MAP2K5: variants seen among roughly 807,000 people sequenced by gnomAD.
MAP2K5 encodes mitogen-activated protein kinase kinase 5, also known as dual specificity mitogen-activated protein kinase kinase 5.
In MAP2K5, 49 loss-of-function variants were observed where a neutral mutation model predicts 83.1. That is an observed-to-expected ratio of 0.59 (90% CI 0.47 to 0.75). MAP2K5 has a LOEUF of 0.75. Among genes scored for constraint, MAP2K5 ranks in the 30% least tolerant of loss-of-function variants. The pLI is 0.00. For synonymous variants in MAP2K5, 202 were observed against 191.8 expected (o/e 1.05, Z -0.44); for missense variants, 457 against 557.5 (o/e 0.82, Z 1.82).
chr15:67,625,239 AT>A (rs2086290605), intron 8 of MAP2K5, among the ~76,000 whole-genome samples: 1 of 152,182 alleles, frequency 6.6e-6, no homozygotes, highest in Non-Finnish European at 1.5e-5. Flanking sequence ...GCTCTTTGTT[AT>A]TTTAAATATT....
intron 5 of MAP2K5, among the ~76,000 whole-genome samples, chr15:67,586,221 A>G (rs1249681254): frequency 6.6e-6 from 1 of 152,222 alleles, no homozygotes; most frequent in Non-Finnish European, 1.5e-5. Flanking sequence ...TAGTAAGAAT[A>G]TAGACTTCAT....
chr15:67,663,369 T>C (rs1296593018), intron 12 of MAP2K5, among the ~76,000 whole-genome samples: 2 of 152,248 alleles, frequency 1.3e-5, no homozygotes, highest in Admixed American at 1.3e-4. Context: ...TCAGTGTTTG[T>C]CTTTCCTTAC....
At chr15:67,656,132 C>T (rs1032075609) in intron 11 of MAP2K5, among the ~76,000 whole-genome samples, 3 of 152,036 alleles carry the variant, frequency 2.0e-5, no homozygotes, top group Non-Finnish European at 2.9e-5. Flanking sequence ...TTTGGAATCA[C>T]GAGCAAAAAG....
chr15:67,727,594 T>C lies in MAP2K5; in HGVS notation c.1045-322T>C, dbSNP rs149941528. Among the ~76,000 whole-genome samples the C allele has an allele frequency of 1.4e-4, 22 of 152,368 alleles. No homozygotes were observed. In the East Asian group the frequency reaches 4.0e-3, roughly 28 times the overall value. On this transcript the variant is annotated intron_variant, in intron 16 of 21. Transcript: ENST00000178640. ...TAAAAGCAAAGAGTTTTTACATCTCTGTCTAGAAGAAACTGTCACACACAC... is the reference window on the plus strand; with the variant it reads ...TAAAAGCAAAGAGTTTTTACATCTCCGTCTAGAAGAAACTGTCACACACAC...
chr15:67,630,082 A>T (rs981637542), intron 8 of MAP2K5, among the ~76,000 whole-genome samples: 1 of 152,182 alleles, frequency 6.6e-6, no homozygotes, highest in Non-Finnish European at 1.5e-5. Context: ...TACAAAAAAA[A>T]GTAAAAAGTA....
chr15:67,713,680 G>A (rs2088754010), intron 16 of MAP2K5, among the ~76,000 whole-genome samples: 1 of 151,714 alleles, frequency 6.6e-6, no homozygotes, highest in Non-Finnish European at 1.5e-5. Context: ...AGGTTGCAGT[G>A]AGCCGAGATC....
At chr15:67,745,821 A>C (rs1001260422) in intron 17 of MAP2K5, among the ~76,000 whole-genome samples, 7 of 152,260 alleles carry the variant, frequency 4.6e-5, no homozygotes, top group Non-Finnish European at 7.3e-5. Flanking sequence ...GAAATAGAAG[A>C]TATAAGTCAC....
In MAP2K5 at chr15:67,577,846, C is replaced by G. The variant is rs926178215; in HGVS notation, c.253-2908C>G. Among the ~76,000 whole-genome samples the G allele has an allele frequency of 1.2e-4, 18 of 151,994 alleles. No individual in the cohort carries two copies. The highest frequency in any genetic ancestry group is 2.4e-4 in the Non-Finnish European group (16 of 67,968). On this transcript the variant is annotated intron_variant, in intron 3 of 21. Transcript: ENST00000178640. This position sits in a 1 kb window ranked among gnomAD's most constrained non-coding sequence, Gnocchi z 4.1. Reference sequence around the variant, plus strand: ...TGAAACCCCATCTCTACTAAAAATACAAAAATTAGCCGGGCCAGTGGTGGG... The same window carrying G: ...TGAAACCCCATCTCTACTAAAAATAGAAAAATTAGCCGGGCCAGTGGTGGG...
At chr15:67,626,858 A>G (rs1238215521) in intron 8 of MAP2K5, among the ~76,000 whole-genome samples, 2 of 152,134 alleles carry the variant, frequency 1.3e-5, no homozygotes, top group African/African-American at 4.8e-5. Flanking sequence ...TAATAAGATC[A>G]CAGCAGTGCA....
intron 13 of MAP2K5, among the ~76,000 whole-genome samples, chr15:67,680,338 G>A (rs2087788733): frequency 6.6e-6 from 1 of 152,122 alleles, no homozygotes. Context: ...AAATACCTAG[G>A]AGTGGAATTG....
intron 16 of MAP2K5, among the ~76,000 whole-genome samples, chr15:67,723,325 C>A (rs1336737894): frequency 6.6e-6 from 1 of 152,168 alleles, no homozygotes; most frequent in Non-Finnish European, 1.5e-5. Context: ...TAAAATCCAA[C>A]ATATTCAAAT....
intron 19 of MAP2K5, among the ~76,000 whole-genome samples, chr15:67,752,488 A>G (rs936813172): frequency 6.6e-6 from 1 of 151,588 alleles, no homozygotes; most frequent in African/African-American, 2.4e-5. Flanking sequence ...GGCCAGCCTA[A>G]CCAACATGGT....
rs886909953 is a variant in MAP2K5, at chr15:67,780,048, A to G, written c.1242+7296A>G. The stretch of plus-strand genomic sequence containing the variant: ...CGGCTTTTCCCTACTCTTCGACTTT[A>G]CAGTTGCTTGCTTCCTTCTCTGAAG... On this transcript the variant is annotated intron_variant, in intron 21 of 21. Transcript: ENST00000178640. This position sits in a 1 kb window ranked among gnomAD's most constrained non-coding sequence, Gnocchi z 5.0. 1.3e-5 allele frequency among the ~76,000 whole-genome samples: 2 copies of G among 152,084 alleles called. No homozygotes were observed. The highest frequency in any genetic ancestry group is 3.8e-4 in the East Asian group (2 of 5,196).
Position 67,748,647 on chromosome 15 carries a change from T to C in MAP2K5, c.1134+46T>C. 6.3e-7 allele frequency: 1 copy of C among 1,580,916 alleles called. No homozygotes were observed. The highest frequency in any genetic ancestry group is 8.7e-7 in the Non-Finnish European group (1 of 1,153,164). On this transcript the variant is annotated intron_variant, in intron 19 of 21. Transcript: ENST00000178640. This position sits in a 1 kb window ranked among gnomAD's most constrained non-coding sequence, Gnocchi z 4.0. ...CTTTCACTCCTAAAGTCATTCCTAA[T>C]GGTGTGGAAAGCTTATATTTTGTTT...
chr15:67,662,194 T>C (rs1302422174), intron 12 of MAP2K5, among the ~76,000 whole-genome samples: 2 of 152,168 alleles, frequency 1.3e-5, no homozygotes, highest in Non-Finnish European at 1.5e-5. Context: ...TAAAATATGT[T>C]AACTTCTGCT....
intron 21 of MAP2K5, among the ~76,000 whole-genome samples, chr15:67,806,182 T>C (rs1425104548): frequency 1.3e-5 from 2 of 152,310 alleles, no homozygotes; most frequent in East Asian, 3.9e-4. Context: ...AGGAGAGCTG[T>C]AGACAAAGGA....
At chr15:67,735,146 A>G (rs915065586) in intron 17 of MAP2K5, among the ~76,000 whole-genome samples, 1 of 152,156 alleles carries the variant, frequency 6.6e-6, no homozygotes, top group Admixed American at 6.5e-5. Context: ...ATTCTTCTCC[A>G]TATCTATTGT....
At position 67,720,681 on chromosome 15, in the gene MAP2K5, G is replaced by A. The variant is rs2088938319; in HGVS notation, c.1045-7235G>A. On this transcript the variant is annotated intron_variant, in intron 16 of 21. Coordinates refer to ENST00000178640, the MANE Select transcript of MAP2K5 (RefSeq NM_145160.3). This position sits in a 1 kb window ranked among gnomAD's most constrained non-coding sequence, Gnocchi z 5.7. The stretch of plus-strand genomic sequence containing the variant: ...CCCCGTCAGAAGAGCTGAAAATGAG[G>A]AAGTTGCCTTGCAGAGCGCTATCAA... 6.6e-6 allele frequency among the ~76,000 whole-genome samples: 1 copy of A among 152,118 alleles called. No homozygotes were observed. The highest frequency in any genetic ancestry group is 2.4e-5 in the African/African-American group (1 of 41,434).
At chr15:67,689,940 T>C (rs2088060225) in intron 13 of MAP2K5, among the ~76,000 whole-genome samples, 1 of 152,334 alleles carries the variant, frequency 6.6e-6, no homozygotes, top group Middle Eastern at 3.4e-3. Flanking sequence ...ACGGGCCACA[T>C]GAGCCACAGG....
Sources: gnomAD v4.1 joint callset for allele counts (sites outside exome capture counted in the v4.1 genomes callset) on GRCh38, gnomAD v4.1.1 for gene constraint, Gnocchi (gnomAD v3.1) non-coding constraint, MANE v1.5 for transcripts, NCBI Gene and HGNC (gene_info 2026-07-23, HGNC 2026-07-21) for gene names.